The following TACC1 variants were observed in gnomAD, a reference collection of about 807,000 sequenced individuals.
TACC1 encodes the protein transforming acidic coiled-coil-containing protein 1.
In TACC1, 48 loss-of-function variants were observed where a neutral mutation model predicts 84.4. The ratio of observed to expected loss-of-function variants is 0.57; its 90% confidence interval spans 0.45 to 0.72. The LOEUF (loss-of-function observed/expected upper bound fraction) is 0.72. Among genes scored for constraint, TACC1 ranks in the 30% least tolerant of loss-of-function variants. The pLI, the probability that TACC1 is intolerant of heterozygous loss-of-function variation, is 0.00. For synonymous variants in TACC1, 372 were observed against 376.3 expected (o/e 0.99, Z 0.13); for missense variants, 920 against 973.0 (o/e 0.95, Z 0.72).
At chr8:38,747,193 C>T (rs1808243642) in intron 3 of TACC1, among the ~76,000 whole-genome samples, 1 of 152,164 alleles carries the variant, frequency 6.6e-6, no homozygotes, top group Non-Finnish European at 1.5e-5. Flanking sequence ...ATTCAAAATG[C>T]TAACAACACC....
At chr8:38,745,796 G>A (rs537339274) in intron 3 of TACC1, among the ~76,000 whole-genome samples, 5 of 152,084 alleles carry the variant, frequency 3.3e-5, no homozygotes, top group South Asian at 2.1e-4. Flanking sequence ...CACCTGCCTC[G>A]GCCTCCCAAA....
At chr8:38,775,722 G>T (rs1332986865) in intron 3 of TACC1, among the ~76,000 whole-genome samples, 1 of 152,184 alleles carries the variant, frequency 6.6e-6, no homozygotes, top group African/African-American at 2.4e-5. Flanking sequence ...CAGTCAGTCT[G>T]TAGCAGTGAT....
In TACC1 at chr8:38,840,237, G is replaced by A. The variant is rs1830981273; in HGVS notation, c.1930G>A (p.Glu644Lys). Residue 644 changes from glutamate (E) to lysine (K), a missense_variant, in exon 9 of 13, where the codon GAA becomes AAA. By Grantham distance (56) the Glu-to-Lys change is moderately conservative (BLOSUM62 1). This residue lies in a region of TACC1 where 158 missense variants were observed against 225.6 expected (regional missense o/e 0.70). Transcript: ENST00000317827. ...EVLEMRKIVA[E>K]YEKTIAQMIE... ...TTTCTCATTTAGGAAAATTGTAGCT[G>A]AATATGAAAAGACTATTGCTCAAAT... is the stretch of plus-strand genomic sequence containing the variant. 6.2e-7 allele frequency: 1 copy of A among 1,610,244 alleles called. No individual in the cohort carries two copies. Among genetic ancestry groups the A allele is most frequent in the Non-Finnish European group, 8.5e-7 (1 of 1,178,596 alleles).
intron 3 of TACC1, among the ~76,000 whole-genome samples, chr8:38,822,984 C>T (rs1827218651): frequency 6.6e-6 from 1 of 152,064 alleles, no homozygotes; most frequent in African/African-American, 2.4e-5. Context: ...AAAGAAGGAC[C>T]AATGAGATGC....
chr8:38,825,251 C>T (rs890630428), intron 3 of TACC1, 57 bp from the exon 4 acceptor site: 8 of 1,580,814 alleles, frequency 5.1e-6, no homozygotes, highest in East Asian at 2.2e-5. Flanking sequence ...CATTTCATAC[C>T]TTGACAATTG....
At chr8:38,732,255 A>G (rs765195396) in intron 1 of TACC1, among the ~76,000 whole-genome samples, 3 of 152,126 alleles carry the variant, frequency 2.0e-5, no homozygotes, top group Non-Finnish European at 2.9e-5. Context: ...GTAGTTGTGG[A>G]AATGAGTCCC....
intron 3 of TACC1, among the ~76,000 whole-genome samples, chr8:38,768,293 C>T (rs1325018514): frequency 6.6e-6 from 1 of 152,212 alleles, no homozygotes; most frequent in Admixed American, 6.5e-5. Flanking sequence ...AGTCTCCCTT[C>T]TGCAGTCGTT....
At chr8:38,810,481 G>A (rs1307655792) in intron 2 of TACC1, among the ~76,000 whole-genome samples, 2 of 152,032 alleles carry the variant, frequency 1.3e-5, no homozygotes, top group Non-Finnish European at 2.9e-5. Context: ...CTGTATGCCT[G>A]TTGTCTCAGT....
intron 2 of TACC1, among the ~76,000 whole-genome samples, chr8:38,790,337 A>G (rs1318908581): frequency 6.6e-6 from 1 of 152,218 alleles, no homozygotes; most frequent in African/African-American, 2.4e-5. Flanking sequence ...CTATTTCTAG[A>G]TAAGGTCACA....
intron 3 of TACC1, among the ~76,000 whole-genome samples, chr8:38,776,622 A>T (rs1814843706): frequency 6.6e-6 from 1 of 152,208 alleles, no homozygotes; most frequent in African/African-American, 2.4e-5. Flanking sequence ...CATGAAACAA[A>T]GTTTTGACTG....
intron 2 of TACC1, among the ~76,000 whole-genome samples, chr8:38,798,693 T>G (rs1299289458): frequency 6.6e-6 from 1 of 151,668 alleles, no homozygotes; most frequent in Non-Finnish European, 1.5e-5. Flanking sequence ...ATGATGTACC[T>G]AAGAGGATGG....
At chr8:38,784,581 A>G (rs1563451084), upstream of TACC1, among the ~76,000 whole-genome samples, 6 of 151,826 alleles carry the variant, frequency 4.0e-5, no homozygotes. Flanking sequence ...AAAAAAAAAA[A>G]GTAAATTGCT....
In TACC1 at chr8:38,787,408, C is replaced by T; in HGVS notation, c.-175C>T. ...CCGAGGAGGACGCAGCGCCGGCTGC[C>T]GGCGGGAGGAAGCGCTCCACCAGGG... On this transcript the variant is annotated 5_prime_UTR_variant, in exon 1 of 13. Coordinates refer to ENST00000317827, the MANE Select transcript of TACC1 (RefSeq NM_006283.3). 7.4e-7 allele frequency: 1 copy of T among 1,353,162 alleles called. No individual in the cohort carries two copies. The highest frequency in any genetic ancestry group is 9.4e-7 in the Non-Finnish European group (1 of 1,059,348). The allele number at this position is 1,353,162 out of a possible 1,614,324, so 83.8% of individuals were successfully genotyped here.
At chr8:38,809,630 G>T (rs927008932) in intron 2 of TACC1, among the ~76,000 whole-genome samples, 6 of 152,156 alleles carry the variant, frequency 3.9e-5, no homozygotes, top group African/African-American at 1.2e-4. Flanking sequence ...GGAGATTAGG[G>T]TAGAAATAGA....
chr8:38,810,399 G>A (rs1473282358), intron 2 of TACC1, among the ~76,000 whole-genome samples: 2 of 152,080 alleles, frequency 1.3e-5, no homozygotes, highest in Non-Finnish European at 2.9e-5. Flanking sequence ...CCAGGAGTTT[G>A]AGACCAGCGT....
At chr8:38,806,588 G>A (rs1254802367) in intron 2 of TACC1, among the ~76,000 whole-genome samples, 1 of 152,110 alleles carries the variant, frequency 6.6e-6, no homozygotes, top group African/African-American at 2.4e-5. Flanking sequence ...GTCCTGTGAT[G>A]AAATGGAAGC....
At chr8:38,728,771 T>C (rs1804329868) in intron 1 of TACC1, 1 of 152,264 alleles carries the variant, frequency 6.6e-6, no homozygotes, top group Non-Finnish European at 1.5e-5. Context: ...TTTCCCTCGC[T>C]TGGGTATGCG....
At chr8:38,843,163 G>A (rs1831573309) in intron 10 of TACC1, 126 bp from the exon 11 acceptor site, 1 of 592,088 alleles carries the variant, frequency 1.7e-6, no homozygotes, top group Non-Finnish European at 2.9e-6. Flanking sequence ...AATTACTGCA[G>A]AGTATGAATA....
chr8:38,843,545 T>A (rs911080165), intron 11 of TACC1, 150 bp downstream of exon 11: 39 of 495,414 alleles, frequency 7.9e-5, no homozygotes, highest in Admixed American at 2.9e-4. Context: ...TGTTAAAACA[T>A]TAAAAAGTAA....
Sources: allele counts gnomAD v4.1 joint callset (sites outside exome capture counted in the v4.1 genomes callset), GRCh38; gene constraint gnomAD v4.1.1; regional missense constraint gnomAD v4.1.1; transcripts MANE v1.5; gene names NCBI Gene and HGNC (gene_info 2026-07-23, HGNC 2026-07-21).